Variants in PREP observed in about 807,000 individuals in gnomAD.
PREP encodes the protein prolyl endopeptidase, also known as dJ355L5.1 (prolyl endopeptidase).
Under a neutral mutation model 87.6 loss-of-function variants are expected in PREP, and 29 were observed. The ratio of observed to expected loss-of-function variants is 0.33; its 90% confidence interval spans 0.25 to 0.45. PREP has a LOEUF of 0.45. Ranked by LOEUF, PREP falls within the 20% of genes least tolerant of loss-of-function variation. The pLI is 1.00. For synonymous variants in PREP, 337 were observed against 328.6 expected, an observed-to-expected ratio of 1.03 and a Z score of -0.28; for missense variants, 695 against 886.5, an observed-to-expected ratio of 0.78 and a Z score of 2.74.
intron 2 of PREP, among the ~76,000 whole-genome samples, chr6:105,380,841 G>T (rs1450512626): frequency 6.6e-6 from 1 of 152,118 alleles, no homozygotes; most frequent in Non-Finnish European, 1.5e-5. Flanking sequence ...CTGCACTTAG[G>T]CCCACGGTGG....
intron 7 of PREP, 138 bp downstream of exon 7, chr6:105,352,833 TA>T: frequency 1.3e-6 from 1 of 767,426 alleles, no homozygotes; most frequent in Non-Finnish European, 2.1e-6. Context: ...GGAATAGTAC[TA>T]AAAGAAAAAA....
intron 7 of PREP, among the ~76,000 whole-genome samples, chr6:105,342,707 G>A (rs1332852851): frequency 6.6e-6 from 1 of 152,148 alleles, no homozygotes; most frequent in Non-Finnish European, 1.5e-5. Flanking sequence ...AAGTCAGTGT[G>A]CAAAAATCAC....
At chr6:105,361,510 T>C (rs1772245794) in intron 6 of PREP, among the ~76,000 whole-genome samples, 1 of 152,126 alleles carries the variant, frequency 6.6e-6, no homozygotes, top group African/African-American at 2.4e-5. Flanking sequence ...TACATGCACT[T>C]TCAAACTGAG....
chr6:105,324,582 T>C (rs951880077), intron 9 of PREP, among the ~76,000 whole-genome samples: 3 of 152,124 alleles, frequency 2.0e-5, no homozygotes, highest in Admixed American at 2.0e-4. Flanking sequence ...GGTGTGGAAA[T>C]AGCACCTCCC....
intron 3 of PREP, 77 bp downstream of exon 3, chr6:105,377,309 T>C (rs1345266249): frequency 9.7e-6 from 14 of 1,450,602 alleles, no homozygotes; most frequent in African/African-American, 8.6e-5. Context: ...GGACAAGTTA[T>C]CTGGAATTTG....
At chr6:105,279,543 G>A (rs796067552) in intron 14 of PREP, among the ~76,000 whole-genome samples, 83 of 152,224 alleles carry the variant, frequency 5.5e-4, no homozygotes, top group African/African-American at 1.8e-3. Flanking sequence ...TTTATTTATC[G>A]CCCAGCCATT....
chr6:105,363,736 C>G (rs1438313942), intron 6 of PREP, among the ~76,000 whole-genome samples: 1 of 152,126 alleles, frequency 6.6e-6, no homozygotes, highest in African/African-American at 2.4e-5. Context: ...AGGAAGACAG[C>G]TGGCCTTGAG....
chr6:105,381,318 TTACA>T (rs1322752890), intron 2 of PREP, among the ~76,000 whole-genome samples: 6 of 152,216 alleles, frequency 3.9e-5, no homozygotes, highest in African/African-American at 1.4e-4. Flanking sequence ...AAATTTAGGG[TTACA>T]TAAATGCCAA....
intron 2 of PREP, among the ~76,000 whole-genome samples, chr6:105,379,246 T>C (rs1260116069): frequency 6.6e-6 from 1 of 152,208 alleles, no homozygotes; most frequent in Non-Finnish European, 1.5e-5. Context: ...ATGGTTTTTG[T>C]ATTTTCAAAG....
intron 10 of PREP, among the ~76,000 whole-genome samples, chr6:105,292,049 T>A (rs1281188425): frequency 1.3e-5 from 2 of 152,202 alleles, no homozygotes; most frequent in Non-Finnish European, 2.9e-5. Context: ...CCCCAACATA[T>A]GCAGTGACTT....
At position 105,289,959 on chromosome 6, in the gene PREP, G is replaced by A. The variant is rs1018141784; in HGVS notation, c.1318-1065C>T. 3.9e-5 allele frequency among the ~76,000 whole-genome samples: 6 copies of A among 152,166 alleles called. 1 individual carries two copies. The highest frequency in any genetic ancestry group is 1.4e-4 in the African/African-American group (6 of 41,444). On this transcript the variant is annotated intron_variant, in intron 10 of 14. Transcript: ENST00000652536. The stretch of plus-strand genomic sequence containing the variant: ...ATAACCATGGTGGGGGAAGGGCGGA[G>A]GGGGAGAGTGGCAGGGATGCAGATT...
chr6:105,371,628 G>A (rs535031764), intron 5 of PREP, among the ~76,000 whole-genome samples: 12 of 150,996 alleles, frequency 7.9e-5, no homozygotes, highest in South Asian at 4.2e-4. Flanking sequence ...TTATGATGAC[G>A]TACCAAGCTT....
intron 3 of PREP, 141 bp downstream of exon 3, chr6:105,377,245 C>T (rs1772708033): frequency 1.0e-5 from 10 of 958,952 alleles, no homozygotes; most frequent in Non-Finnish European, 1.4e-5. Context: ...AAAAATATTA[C>T]TCTCATATTC....
At chr6:105,390,853 T>C (rs1470300335) in intron 2 of PREP, among the ~76,000 whole-genome samples, 1 of 152,090 alleles carries the variant, frequency 6.6e-6, no homozygotes, top group African/African-American at 2.4e-5. Flanking sequence ...TAAATGCTAA[T>C]TTAGCATTCC....
chr6:105,312,852 T>A (rs1264761273), intron 10 of PREP, among the ~76,000 whole-genome samples: 1 of 151,836 alleles, frequency 6.6e-6, no homozygotes, highest in Non-Finnish European at 1.5e-5. Context: ...TGAGTCTGAG[T>A]ATGGTGGTCC....
chr6:105,381,329 C>T (rs1365357429), intron 2 of PREP, among the ~76,000 whole-genome samples: 1 of 151,872 alleles, frequency 6.6e-6, no homozygotes, highest in African/African-American at 2.4e-5. Context: ...TACATAAATG[C>T]CAATAATATT....
intron 4 of PREP, among the ~76,000 whole-genome samples, chr6:105,374,129 A>G (rs544500052): frequency 6.6e-6 from 1 of 152,320 alleles, no homozygotes; most frequent in African/African-American, 2.4e-5. Context: ...AAGCCTAGGT[A>G]AATAAAGCCT....
rs1187059265 is a variant in PREP at position 105,274,250 on chromosome 6, A to G, written c.*3894T>C. Among the ~76,000 whole-genome samples the G allele has an allele frequency of 6.6e-6, 1 of 150,748 alleles. No homozygotes were observed. The highest frequency in any genetic ancestry group is 6.6e-5 in the Admixed American group (1 of 15,198). On this transcript the variant is annotated 3_prime_UTR_variant, in exon 15 of 15. Coordinates refer to ENST00000652536, the MANE Select transcript of PREP (RefSeq NM_002726.5). Reference sequence around the variant, plus strand: ...TCTAATGAGGGTTGCTTCCTGGTTCATAGGTGACACCGTCTCCTGTGTCCT... The same window carrying G: ...TCTAATGAGGGTTGCTTCCTGGTTCGTAGGTGACACCGTCTCCTGTGTCCT...
chr6:105,361,497 A>T (rs1398333608), intron 6 of PREP, among the ~76,000 whole-genome samples: 4 of 152,166 alleles, frequency 2.6e-5, no homozygotes, highest in African/African-American at 4.8e-5. Flanking sequence ...CATTATTTGA[A>T]TCTACATGCA....
Sources: allele counts gnomAD v4.1 joint callset (sites outside exome capture counted in the v4.1 genomes callset), GRCh38; gene constraint gnomAD v4.1.1; transcripts MANE v1.5; gene names NCBI Gene and HGNC (gene_info 2026-07-23, HGNC 2026-07-21).